The following PRDM5 variants were observed in gnomAD, a reference collection of about 807,000 sequenced individuals.
The protein encoded by PRDM5 is PR/SET domain 5.
In PRDM5, 56 loss-of-function variants were observed where a neutral mutation model predicts 81.2. The ratio of observed to expected loss-of-function variants is 0.69; its 90% CI spans 0.56 to 0.86. The LOEUF is 0.86. PRDM5 is among the 40% of genes least tolerant of loss of function. The probability of loss-of-function intolerance (pLI) is 0.00; values close to 1 mark genes in which losing one functional copy is unlikely to be tolerated. For synonymous variants in PRDM5, 267 were observed against 256.4 expected (o/e 1.04, Z -0.39); for missense variants, 697 against 770.1 (o/e 0.91, Z 1.12).
intron 15 of PRDM5, among the ~76,000 whole-genome samples, chr4:120,705,304 T>C (rs1226466259): frequency 6.6e-6 from 1 of 152,186 alleles, no homozygotes; most frequent in Admixed American, 6.5e-5. Context: ...TCATTGAGCT[T>C]ATAATAAATG....
intron 3 of PRDM5, among the ~76,000 whole-genome samples, chr4:120,846,095 CAAAG>C (rs749586661): frequency 7.2e-5 from 11 of 152,142 alleles, no homozygotes; most frequent in Admixed American, 4.6e-4. Context: ...TACAGATGAA[CAAAG>C]AAAGTAGTTT....
chr4:120,738,205 A>G (rs1741399542), intron 14 of PRDM5, among the ~76,000 whole-genome samples: 2 of 152,204 alleles, frequency 1.3e-5, no homozygotes, highest in South Asian at 4.1e-4. Context: ...CCAGACCATC[A>G]GCCTCAACAG....
chr4:120,770,794 A>G (rs1338943027), intron 13 of PRDM5, among the ~76,000 whole-genome samples: 1 of 152,200 alleles, frequency 6.6e-6, no homozygotes, highest in East Asian at 1.9e-4. Context: ...CAAATCTTAT[A>G]ATAACAGTTA....
intron 3 of PRDM5, 55 bp downstream of exon 3, chr4:120,853,363 A>G (rs555303196): frequency 6.2e-7 from 1 of 1,611,794 alleles, no homozygotes; most frequent in Non-Finnish European, 8.5e-7. Flanking sequence ...ACAGTCATAT[A>G]TTAATTCATC....
chr4:120,709,762 AT>A (rs1195430393), intron 15 of PRDM5, among the ~76,000 whole-genome samples: 1 of 152,126 alleles, frequency 6.6e-6, no homozygotes, highest in East Asian at 1.9e-4. Context: ...CAACAGTAGT[AT>A]TTTTTTCCTT....
intron 2 of PRDM5, among the ~76,000 whole-genome samples, chr4:120,892,063 T>C (rs111270720): frequency 6.6e-6 from 1 of 152,356 alleles, no homozygotes; most frequent in African/African-American, 2.4e-5. Context: ...ATTTCATTGT[T>C]TATACAAAAG....
chr4:120,761,582 T>A (rs1304952548), intron 13 of PRDM5, among the ~76,000 whole-genome samples: 1 of 152,170 alleles, frequency 6.6e-6, no homozygotes, highest in East Asian at 1.9e-4. Context: ...GTGAAGGCAG[T>A]TTAGGATAAC....
At chr4:120,814,373 C>T (rs185035624) in intron 7 of PRDM5, among the ~76,000 whole-genome samples, 43 of 152,304 alleles carry the variant, frequency 2.8e-4, no homozygotes, top group Admixed American at 2.8e-3. Context: ...CTTTCAAAAA[C>T]ATTTAGGAAC....
At chr4:120,783,385 A>G (rs1014678878) in intron 11 of PRDM5, among the ~76,000 whole-genome samples, 1 of 152,090 alleles carries the variant, frequency 6.6e-6, no homozygotes, top group Non-Finnish European at 1.5e-5. Context: ...CATACTCCAC[A>G]GCACAGTCTA....
exon 2 of PRDM5, chr4:120,684,948 A>T: frequency 6.6e-6 from 1 of 151,972 alleles, no homozygotes; most frequent in Non-Finnish European, 1.5e-5. Flanking sequence ...TATCAGCTGA[A>T]GTTAGCCATA....
At chr4:120,843,626 G>A (rs1758307924) in intron 3 of PRDM5, among the ~76,000 whole-genome samples, 2 of 151,406 alleles carry the variant, frequency 1.3e-5, no homozygotes, top group Non-Finnish European at 2.9e-5. Context: ...AGGAGATGGA[G>A]GCTGCAATGA....
rs541360358 is a variant in PRDM5 at position 120,887,639 on chromosome 4, T to C, written c.177+19835A>G. 5.3e-5 allele frequency among the ~76,000 whole-genome samples: 8 copies of C among 152,322 alleles called. No individual in the cohort carries two copies. The South Asian group carries it at 1.7e-3, about 32-fold the overall frequency. ...GCCTAGCTGCTTTGTTTCTGTCCTT[T>C]GAACAATCTGACTTCATTGTCATCT... is the stretch of plus-strand genomic sequence containing the variant. On this transcript the variant is annotated intron_variant, in intron 2 of 15. Coordinates refer to ENST00000264808, the MANE Select transcript of PRDM5 (RefSeq NM_018699.4).
At chr4:120,745,289 A>G (rs1742815875) in intron 14 of PRDM5, among the ~76,000 whole-genome samples, 2 of 125,720 alleles carry the variant, frequency 1.6e-5, no homozygotes, top group Non-Finnish European at 1.6e-5. Context: ...TTTCAAAATA[A>G]TAAGAGCTAT....
intron 10 of PRDM5, among the ~76,000 whole-genome samples, chr4:120,787,257 G>A (rs192270919): frequency 6.6e-6 from 1 of 152,060 alleles, no homozygotes; most frequent in Non-Finnish European, 1.5e-5. Flanking sequence ...GAAACATCAC[G>A]GAAGCCAGTG....
chr4:120,815,100 C>A (rs1349251016), intron 7 of PRDM5, among the ~76,000 whole-genome samples: 1 of 152,116 alleles, frequency 6.6e-6, no homozygotes, highest in Admixed American at 6.5e-5. Context: ...CTTAGTTCAG[C>A]AAACTTAAGC....
intron 14 of PRDM5, among the ~76,000 whole-genome samples, chr4:120,737,555 C>G (rs1041682487): frequency 6.6e-6 from 1 of 152,138 alleles, no homozygotes; most frequent in Non-Finnish European, 1.5e-5. Context: ...CCTTAGTGTC[C>G]GTCTTTCCTG....
chr4:120,850,531 A>T (rs1416761969), intron 3 of PRDM5, among the ~76,000 whole-genome samples: 1 of 152,172 alleles, frequency 6.6e-6, no homozygotes, highest in Non-Finnish European at 1.5e-5. Context: ...ATTGTAATCT[A>T]TGACAAAAAA....
intron 2 of PRDM5, among the ~76,000 whole-genome samples, chr4:120,879,677 G>A (rs1450217382): frequency 6.6e-6 from 1 of 152,066 alleles, no homozygotes; most frequent in Non-Finnish European, 1.5e-5. Context: ...TTTACATTAA[G>A]CTTCTGGTCA....
Position 120,741,901 on chromosome 4 carries a change from C to A in PRDM5, c.1623+12652G>T, listed in dbSNP as rs1287104906. Among the ~76,000 whole-genome samples, 28 of 152,286 alleles carry A rather than the reference C, an allele frequency of 1.8e-4. No homozygotes were observed. The East Asian group carries it at 3.1e-3, about 17-fold the overall frequency. ...TGCTTAGGTAAACAAAGCAGCCAGC[C>A]AGCTCAAACTGGGTGGAGCCCACCA... On this transcript the variant is annotated intron_variant, in intron 14 of 15. Coordinates refer to ENST00000264808, the MANE Select transcript of PRDM5 (RefSeq NM_018699.4).
Sources: gnomAD v4.1 joint callset for allele counts (sites outside exome capture counted in the v4.1 genomes callset) on GRCh38, gnomAD v4.1.1 for gene constraint, MANE v1.5 for transcripts, NCBI Gene and HGNC (gene_info 2026-07-23, HGNC 2026-07-21) for gene names.